The following CDH22 variants were observed in gnomAD, a reference collection of about 807,000 sequenced individuals.
CDH22 encodes cadherin-22.
A neutral mutation model predicts 58.4 loss-of-function variants in CDH22; 30 were observed. That is an observed-to-expected ratio of 0.51 (90% CI 0.38 to 0.70). CDH22 has a LOEUF of 0.70. Ranked by LOEUF, CDH22 falls within the 30% of genes least tolerant of loss-of-function variation. CDH22 has a pLI of 0.00. For missense variants in CDH22, 1,014 were observed against 1,233.9 expected (o/e 0.82, Z 2.67); for synonymous variants, 513 against 558.2 (o/e 0.92, Z 1.14).
intron 7 of CDH22, among the ~76,000 whole-genome samples, chr20:46,200,921 C>A (rs1010981551): frequency 1.2e-4 from 18 of 152,170 alleles, no homozygotes; most frequent in African/African-American, 4.1e-4. Context: ...TGGGAGGGGG[C>A]CTGGGGACAC....
At chr20:46,283,961 C>T (rs1229225111) in intron 1 of CDH22, among the ~76,000 whole-genome samples, 2 of 152,230 alleles carry the variant, frequency 1.3e-5, no homozygotes, top group South Asian at 4.2e-4. Flanking sequence ...AAACGGCTGT[C>T]GGAAAGGTGG....
chr20:46,294,492 G>A (rs1445943203), intron 1 of CDH22, among the ~76,000 whole-genome samples: 4 of 152,214 alleles, frequency 2.6e-5, no homozygotes, highest in African/African-American at 4.8e-5. Context: ...GCTGGGGTGT[G>A]AGAGACAAGT....
At chr20:46,228,491 C>T (rs1194899792) in intron 3 of CDH22, among the ~76,000 whole-genome samples, 2 of 145,822 alleles carry the variant, frequency 1.4e-5, no homozygotes, top group Non-Finnish European at 3.0e-5. Flanking sequence ...AGAGATGGCT[C>T]TAATTTGACA....
intron 10 of CDH22, among the ~76,000 whole-genome samples, chr20:46,179,991 T>TTTTTTTTTTTTTTTTTTTTGAGACGGA (rs2085772792): frequency 1.3e-5 from 2 of 152,106 alleles, no homozygotes; most frequent in African/African-American, 4.8e-5. Flanking sequence ...CCTCCTTTCT[T>TTTTTTTTTTTTTTTTTTTTGAGACGGA]GTGGCCTCCT....
chr20:46,217,279 T>C (rs1158892679), intron 4 of CDH22, among the ~76,000 whole-genome samples: 2 of 152,040 alleles, frequency 1.3e-5, no homozygotes, highest in Admixed American at 1.3e-4. Context: ...TACTTGCTCA[T>C]ATGGATGCAG....
intron 7 of CDH22, among the ~76,000 whole-genome samples, chr20:46,200,771 C>G (rs2085954347): frequency 6.6e-6 from 1 of 152,156 alleles, no homozygotes; most frequent in South Asian, 2.1e-4. Context: ...CCAGAACACA[C>G]CGGCACAGCA....
intron 4 of CDH22, among the ~76,000 whole-genome samples, chr20:46,217,671 G>A (rs2086095208): frequency 6.6e-6 from 1 of 151,832 alleles, no homozygotes; most frequent in Admixed American, 6.6e-5. Flanking sequence ...CATCCATACA[G>A]AAACACACAC....
intron 2 of CDH22, among the ~76,000 whole-genome samples, chr20:46,242,143 C>G (rs2086294489): frequency 6.6e-6 from 1 of 152,332 alleles, no homozygotes. Flanking sequence ...AATTTATGTA[C>G]TTTTCTAGTT....
intron 1 of CDH22, among the ~76,000 whole-genome samples, chr20:46,278,566 A>G (rs2086532938): frequency 6.6e-6 from 1 of 152,012 alleles, no homozygotes; most frequent in African/African-American, 2.4e-5. Flanking sequence ...AATTTTGTGG[A>G]CTTTTTGTTT....
intron 1 of CDH22, among the ~76,000 whole-genome samples, chr20:46,289,219 G>A (rs2086589647): frequency 6.6e-6 from 1 of 152,048 alleles, no homozygotes; most frequent in South Asian, 2.1e-4. Flanking sequence ...TTCCTTCGAG[G>A]GTCTGCTCAA....
At chr20:46,299,356 G>A (rs961920304) in intron 1 of CDH22, among the ~76,000 whole-genome samples, 44 of 152,262 alleles carry the variant, frequency 2.9e-4, no homozygotes, top group African/African-American at 1.0e-3. Flanking sequence ...CAGTGCCTTC[G>A]ACCAGACAGA....
Position 46,199,406 on chromosome 20 carries a change from C to A in CDH22, c.1423+17G>T. Reference sequence around the variant, plus strand: ...GCCCCATATTTGCCCTTGGAGGGGGCGTGGCGCCCAGCTCACCCGCCTCCA... The same window carrying A: ...GCCCCATATTTGCCCTTGGAGGGGGAGTGGCGCCCAGCTCACCCGCCTCCA... On this transcript the variant is annotated intron_variant, in intron 8 of 11. Transcript: ENST00000537909. The A allele has an allele frequency of 6.2e-7, 1 of 1,602,628 alleles. No homozygotes were observed. Among genetic ancestry groups the A allele is most frequent in the South Asian group, 1.1e-5 (1 of 90,596 alleles).
At chr20:46,238,342 G>A (rs1043863859) in intron 3 of CDH22, among the ~76,000 whole-genome samples, 6 of 152,086 alleles carry the variant, frequency 3.9e-5, no homozygotes, top group Non-Finnish European at 8.8e-5. Context: ...CCTTGGACAT[G>A]TCACTGTCTC....
intron 1 of CDH22, among the ~76,000 whole-genome samples, chr20:46,294,516 G>A (rs544567544): frequency 6.6e-6 from 1 of 152,158 alleles, no homozygotes; most frequent in African/African-American, 2.4e-5. Flanking sequence ...CAGCTCAATT[G>A]TTATTTCAAT....
At chr20:46,261,680 G>A (rs965939502) in intron 1 of CDH22, among the ~76,000 whole-genome samples, 7 of 152,132 alleles carry the variant, frequency 4.6e-5, no homozygotes, top group Admixed American at 6.5e-5. Context: ...GAGTCCCAGC[G>A]GCACTGTGCC....
chr20:46,274,913 C>G (rs943252638), intron 1 of CDH22, among the ~76,000 whole-genome samples: 1 of 151,344 alleles, frequency 6.6e-6, no homozygotes, highest in African/African-American at 2.4e-5. Flanking sequence ...AGACAGAAAG[C>G]GAAAGAAATG....
intron 1 of CDH22, among the ~76,000 whole-genome samples, chr20:46,305,266 A>G (rs1275052857): frequency 1.3e-5 from 2 of 152,250 alleles, no homozygotes; most frequent in Admixed American, 1.3e-4. Context: ...CTCGTGGTGA[A>G]ATATCTAGGC....
In CDH22 at chr20:46,287,410, G is replaced by A. The variant is rs530759283; in HGVS notation, c.-400+20845C>T. The stretch of plus-strand genomic sequence containing the variant: ...AAGGTACAAGGAGAGCATCTGACAG[G>A]GAGCTCGGACTAGTCTGGGGCTCTT... On this transcript the variant is annotated intron_variant, in intron 1 of 11. Transcript: ENST00000537909. Among the ~76,000 whole-genome samples, 9 of 152,222 alleles carry A rather than the reference G, an allele frequency of 5.9e-5. No homozygotes were observed. In the South Asian group the frequency reaches 1.7e-3, roughly 28 times the overall value.
At chr20:46,295,521 G>T (rs2086625328) in intron 1 of CDH22, among the ~76,000 whole-genome samples, 5 of 152,306 alleles carry the variant, frequency 3.3e-5, no homozygotes, top group South Asian at 2.1e-4. Context: ...CGCAGCTACT[G>T]TGATTATCAT....
Sources: gnomAD v4.1 joint callset for allele counts (sites outside exome capture counted in the v4.1 genomes callset) on GRCh38, gnomAD v4.1.1 for gene constraint, MANE v1.5 for transcripts, NCBI Gene and HGNC (gene_info 2026-07-23, HGNC 2026-07-21) for gene names.